Variants in CDH8 observed in about 807,000 individuals in gnomAD.
CDH8 encodes cadherin-8.
Under a neutral mutation model 68.1 loss-of-function variants are expected in CDH8, and 17 were observed. The ratio of observed to expected loss-of-function variants is 0.25; its 90% confidence interval spans 0.17 to 0.37. The LOEUF (loss-of-function observed/expected upper bound fraction) is 0.37, where lower values mean the gene tolerates loss of function less well. Among genes scored for constraint, CDH8 ranks in the 10% least tolerant of loss-of-function variants. The pLI is 1.00. For synonymous variants in CDH8, 372 were observed against 365.1 expected (o/e 1.02, Z -0.21); for missense variants, 763 against 999.3 (o/e 0.76, Z 3.19).
At chr16:61,972,572 GTGTGTGTGTGTGT>G (rs1465791637) in intron 2 of CDH8, among the ~76,000 whole-genome samples, 34 of 58,758 alleles carry the variant, frequency 5.8e-4, no homozygotes, top group Admixed American at 3.0e-3. Context: ...CACATTGTGG[GTGTGTGTGTGTGT>G]GTGTGTGTGT....
intron 2 of CDH8, among the ~76,000 whole-genome samples, chr16:62,004,641 A>C (rs1965944274): frequency 6.6e-6 from 1 of 152,258 alleles, no homozygotes; most frequent in African/African-American, 2.4e-5. Flanking sequence ...GTCTGTGGAT[A>C]TGTGAATTTG....
intron 7 of CDH8, among the ~76,000 whole-genome samples, chr16:61,790,428 G>C (rs1347202792): frequency 6.6e-6 from 1 of 152,020 alleles, no homozygotes; most frequent in African/African-American, 2.4e-5. Context: ...CCGTAAGTAA[G>C]CAGTGATGCA....
At chr16:61,656,320 G>A (rs1028402866) in intron 10 of CDH8, among the ~76,000 whole-genome samples, 1 of 152,118 alleles carries the variant, frequency 6.6e-6, no homozygotes, top group Non-Finnish European at 1.5e-5. Flanking sequence ...CCCTTCCGAA[G>A]ACATATATTA....
chr16:61,868,241 A>G (rs891135851), intron 3 of CDH8, among the ~76,000 whole-genome samples: 9 of 152,204 alleles, frequency 5.9e-5, no homozygotes, highest in African/African-American at 2.2e-4. Flanking sequence ...ACATCTTCAA[A>G]TGCAGAGAAT....
At chr16:61,971,469 T>C (rs1328281308) in intron 2 of CDH8, among the ~76,000 whole-genome samples, 1 of 152,190 alleles carries the variant, frequency 6.6e-6, no homozygotes, top group Non-Finnish European at 1.5e-5. Context: ...GTACATCAGA[T>C]GGAAGAGAAG....
At chr16:61,858,735 T>C (rs1353102551) in intron 3 of CDH8, among the ~76,000 whole-genome samples, 2 of 152,136 alleles carry the variant, frequency 1.3e-5, no homozygotes, top group Non-Finnish European at 2.9e-5. Flanking sequence ...GAAAGCCTCA[T>C]TGGACTCCAT....
At chr16:62,032,998 C>A (rs1902364089) in intron 1 of CDH8, among the ~76,000 whole-genome samples, 1 of 152,154 alleles carries the variant, frequency 6.6e-6, no homozygotes, top group Non-Finnish European at 1.5e-5. Flanking sequence ...GAAAGCAAAG[C>A]CCAGAGGTAC....
intron 3 of CDH8, among the ~76,000 whole-genome samples, chr16:61,895,660 A>G (rs2143224466): frequency 6.6e-6 from 1 of 152,316 alleles, no homozygotes; most frequent in South Asian, 2.1e-4. Flanking sequence ...CTTCACTAAT[A>G]TGCTTTTGAG....
Position 61,681,394 on chromosome 16 carries a change from T to G in CDH8, c.1655-25673A>C, listed in dbSNP as rs1173973386. On this transcript the variant is annotated intron_variant, in intron 10 of 11. Coordinates refer to ENST00000577390, the MANE Select transcript of CDH8 (RefSeq NM_001796.5). ...ACCACAGCTTGAATGAGCCTCAAAC[T>G]CACTACTCTACATGAAATTAGACAA... 2.6e-5 allele frequency among the ~76,000 whole-genome samples: 4 copies of G among 151,824 alleles called. No homozygotes were observed. In the East Asian group the frequency reaches 7.8e-4, roughly 30 times the overall value.
chr16:61,648,111 A>C lies in CDH8; in HGVS notation c.*5497T>G. 1 of 388,108 alleles carries C rather than the reference A, an allele frequency of 2.6e-6. No individual in the cohort carries two copies. The highest frequency in any genetic ancestry group is 4.7e-5 in the East Asian group (1 of 21,342). 24.0% of individuals were successfully genotyped at this position (388,108 alleles called of 1,614,324 possible). On this transcript the variant is annotated 3_prime_UTR_variant, in exon 12 of 12. Coordinates refer to ENST00000577390, the MANE Select transcript of CDH8 (RefSeq NM_001796.5). ...GAATACATACAAAAACACTTACAAC[A>C]TTACAACTCAGGAGATGACCCCAAA...
At chr16:61,715,447 C>T (rs561896402) in intron 9 of CDH8, among the ~76,000 whole-genome samples, 2 of 151,574 alleles carry the variant, frequency 1.3e-5, no homozygotes, top group East Asian at 2.0e-4. Flanking sequence ...ATGCAAAAAC[C>T]ATCTTTTCTC....
Position 61,648,094 on chromosome 16 carries a change from A to C in CDH8, c.*5514T>G. The C allele has an allele frequency of 4.3e-6, 2 of 461,178 alleles. No homozygotes were observed. The highest frequency in any genetic ancestry group is 7.7e-6 in the Non-Finnish European group (2 of 258,880). The allele number at this position is 461,178 out of a possible 1,614,324, so 28.6% of individuals were successfully genotyped here. ...ACATAAAGGAAGGAGGAGAATACAT[A>C]CAAAAACACTTACAACATTACAACT... On this transcript the variant is annotated 3_prime_UTR_variant, in exon 12 of 12. Transcript: ENST00000577390.
intron 2 of CDH8, among the ~76,000 whole-genome samples, chr16:61,977,168 C>T (rs954277273): frequency 6.6e-6 from 1 of 152,128 alleles, no homozygotes; most frequent in Non-Finnish European, 1.5e-5. Flanking sequence ...AGCCATGTGG[C>T]AGTTAACCTT....
At chr16:61,706,945 C>T (rs1964546739) in intron 10 of CDH8, among the ~76,000 whole-genome samples, 2 of 152,102 alleles carry the variant, frequency 1.3e-5, no homozygotes, top group Non-Finnish European at 2.9e-5. Context: ...TTTTTAGGTA[C>T]TCTCCATTTT....
At chr16:61,742,352 T>C (rs367565422) in intron 8 of CDH8, among the ~76,000 whole-genome samples, 10 of 152,130 alleles carry the variant, frequency 6.6e-5, no homozygotes, top group South Asian at 4.1e-4. Context: ...TCCTCGAACC[T>C]TATTGTATTG....
intron 8 of CDH8, among the ~76,000 whole-genome samples, chr16:61,732,393 C>A (rs1484577454): frequency 2.6e-5 from 4 of 151,636 alleles, no homozygotes. Context: ...AAACTAATCA[C>A]CAGGGAACCC....
At chr16:61,763,919 T>C (rs965938670) in intron 8 of CDH8, among the ~76,000 whole-genome samples, 1 of 152,174 alleles carries the variant, frequency 6.6e-6, no homozygotes, top group South Asian at 2.1e-4. Flanking sequence ...CATACATTCA[T>C]TAATAATAGT....
intron 8 of CDH8, among the ~76,000 whole-genome samples, chr16:61,759,218 T>G (rs1053609309): frequency 6.6e-6 from 1 of 152,104 alleles, no homozygotes; most frequent in Non-Finnish European, 1.5e-5. Flanking sequence ...ATATTGGCTT[T>G]TACAAAAAAG....
chr16:62,020,962 C>A (rs1902059670), intron 2 of CDH8, among the ~76,000 whole-genome samples, 190 bp downstream of exon 2: 1 of 152,150 alleles, frequency 6.6e-6, no homozygotes, highest in Non-Finnish European at 1.5e-5. Context: ...GAGAAGCTTT[C>A]CCTACAAGAC....
Sources: gnomAD v4.1 joint callset for allele counts (sites outside exome capture counted in the v4.1 genomes callset) on GRCh38, gnomAD v4.1.1 for gene constraint, MANE v1.5 for transcripts, NCBI Gene and HGNC (gene_info 2026-07-23, HGNC 2026-07-21) for gene names.